The following LRIG3 variants were observed in gnomAD, a reference collection of about 807,000 sequenced individuals.
The protein encoded by LRIG3 is leucine rich repeats and immunoglobulin like domains 3.
A neutral mutation model predicts 114.5 loss-of-function variants in LRIG3; 76 were observed. The ratio of observed to expected loss-of-function variants is 0.66; its 90% CI spans 0.55 to 0.80. The LOEUF is 0.80. Ranked by LOEUF, LRIG3 falls within the 30% of genes least tolerant of loss-of-function variation. LRIG3 has a pLI of 0.00. For synonymous variants in LRIG3, 512 were observed against 519.8 expected, an observed-to-expected ratio of 0.98 and a Z score of 0.20; for missense variants, 1,239 against 1,382.8, an observed-to-expected ratio of 0.90 and a Z score of 1.65.
intron 13 of LRIG3, among the ~76,000 whole-genome samples, chr12:58,880,123 C>T (rs568255186): frequency 2.6e-4 from 39 of 152,060 alleles, no homozygotes; most frequent in Non-Finnish European, 4.6e-4. Context: ...AGTGAAACCC[C>T]GTCTCTACTA....
chr12:58,904,709 C>G (rs988307424), intron 3 of LRIG3, among the ~76,000 whole-genome samples: 1 of 152,104 alleles, frequency 6.6e-6, no homozygotes, highest in Non-Finnish European at 1.5e-5. Context: ...AGAAAAGTTA[C>G]CCATATATAT....
rs1179527563 is a variant in LRIG3 at position 58,890,056 on chromosome 12, T to C, written c.599A>G (p.Asn200Ser). ...LANTLLVLKLNRNRISAIPPK... is the reference protein window; with the variant it reads ...LANTLLVLKLSRNRISAIPPK... ...TGGGATAGCTGAGATTCGGTTCCTG[T>C]TCAGCTTTAACACAAGGAGTGTGTT... The change falls in exon 5 of 19, where the codon AAC (asparagine) becomes AGC (serine). Residue 200 changes from asparagine (N) to serine (S), a missense_variant. Coordinates refer to ENST00000320743, the MANE Select transcript of LRIG3 (RefSeq NM_153377.5). 2 of 1,613,836 alleles carry C rather than the reference T, an allele frequency of 1.2e-6. No homozygotes were observed. Among genetic ancestry groups the C allele is most frequent in the Admixed American group, 3.3e-5 (2 of 59,988 alleles).
intron 3 of LRIG3, among the ~76,000 whole-genome samples, chr12:58,897,243 G>C (rs1377032515): frequency 6.6e-6 from 1 of 152,196 alleles, no homozygotes; most frequent in Non-Finnish European, 1.5e-5. Flanking sequence ...TCTTGATGAA[G>C]AATTAAGGAC....
intron 13 of LRIG3, chr12:58,880,299 CA>C (rs11442337): frequency 0.12 from 37,393 of 321,266 alleles, no homozygotes; most frequent in South Asian, 0.14. Flanking sequence ...GATTCCGTCT[CA>C]AAAAAAAAAA....
intron 3 of LRIG3, among the ~76,000 whole-genome samples, chr12:58,912,551 AG>A (rs1035078044): frequency 1.3e-5 from 2 of 152,180 alleles, no homozygotes; most frequent in Admixed American, 1.3e-4. Flanking sequence ...CTTCCTCACA[AG>A]TTCTTAATGC....
chr12:58,887,653 G>A, intron 8 of LRIG3, 136 bp downstream of exon 8: 1 of 887,108 alleles, frequency 1.1e-6, no homozygotes, highest in Non-Finnish European at 1.7e-6. Flanking sequence ...TAATCAAACT[G>A]ATCTGGGAAA....
At chr12:58,894,728 A>C (rs1871580791) in intron 3 of LRIG3, among the ~76,000 whole-genome samples, 2 of 152,226 alleles carry the variant, frequency 1.3e-5, no homozygotes, top group East Asian at 1.9e-4. Flanking sequence ...CAAAACTCTG[A>C]ATACCTTTTT....
At position 58,887,819 on chromosome 12, in the gene LRIG3, G is replaced by A; in HGVS notation, c.1061C>T (p.Ala354Val). 1 of 1,613,718 alleles carries A rather than the reference G, an allele frequency of 6.2e-7. No individual in the cohort carries two copies. The highest frequency in any genetic ancestry group is 8.5e-7 in the Non-Finnish European group (1 of 1,179,750). ...NNRVSYIADC[A>V]FRGLSSLKTL... ...CTTTAAACTGGAAAGCCCCCGGAAGGCACAATCAGCAATGTAGCTGACTCT... is the reference window on the plus strand; with the variant it reads ...CTTTAAACTGGAAAGCCCCCGGAAGACACAATCAGCAATGTAGCTGACTCT... Residue 354 changes from alanine to valine, a missense_variant, in exon 8 of 19, where the codon GCC (alanine) becomes GTC (valine). Transcript: ENST00000320743.
Position 58,874,281 on chromosome 12 carries a change from ACTGGGCTCATAG to A in LRIG3, c.2877_2888del (p.Glu961_Tyr964del). On this transcript the variant is annotated inframe_deletion, in exon 18 of 19. Transcript: ENST00000320743. ...GGTAGCACTCCTTTTTCTTTATGTA[ACTGGGCTCATAG>A]TGGTCCATTAAAACTGTTCTTGGGT... 6.2e-7 allele frequency: 1 copy of A among 1,613,968 alleles called. No homozygotes were observed. Among genetic ancestry groups the A allele is most frequent in the East Asian group, 2.2e-5 (1 of 44,876 alleles).
chr12:58,873,865 C>T (rs1195600485), intron 18 of LRIG3, 190 bp downstream of exon 18: 8 of 654,088 alleles, frequency 1.2e-5, no homozygotes, highest in South Asian at 1.9e-5. Flanking sequence ...AGATTAAACA[C>T]ATCATCAAGT....
At chr12:58,894,199 G>T (rs11172801) in intron 3 of LRIG3, among the ~76,000 whole-genome samples, 1 of 152,126 alleles carries the variant, frequency 6.6e-6, no homozygotes, top group Admixed American at 6.5e-5. Context: ...CTCCTAAATC[G>T]CAGTGTGAAA....
At chr12:58,878,347 A>G (rs994564475) in intron 14 of LRIG3, among the ~76,000 whole-genome samples, 3 of 152,220 alleles carry the variant, frequency 2.0e-5, no homozygotes, top group Non-Finnish European at 2.9e-5. Flanking sequence ...AAGATACGTG[A>G]ATAATAATTG....
chr12:58,920,458 G>C lies in LRIG3; in HGVS notation c.-223C>G, dbSNP rs926131462. ...GAAAAGAACTGCCAACTGCAACAGA[G>C]TTGCAGCTTGAGCAGCGTCGGCTCG... On this transcript the variant is annotated 5_prime_UTR_variant, in exon 1 of 19. Coordinates refer to ENST00000320743, the MANE Select transcript of LRIG3 (RefSeq NM_153377.5). 5.1e-6 allele frequency: 2 copies of C among 394,202 alleles called. No individual in the cohort carries two copies. The highest frequency in any genetic ancestry group is 2.1e-5 in the African/African-American group (1 of 47,954). The allele number at this position is 394,202 out of a possible 1,614,324, so 24.4% of individuals were successfully genotyped here.
intron 3 of LRIG3, among the ~76,000 whole-genome samples, chr12:58,911,491 A>G (rs1233835871): frequency 6.6e-6 from 1 of 152,234 alleles, no homozygotes; most frequent in Non-Finnish European, 1.5e-5. Flanking sequence ...ACCTGTGCAA[A>G]TAACTCATAA....
chr12:58,887,591 C>T (rs921866989), intron 8 of LRIG3, among the ~76,000 whole-genome samples, 198 bp downstream of exon 8: 1 of 152,188 alleles, frequency 6.6e-6, no homozygotes, highest in East Asian at 1.9e-4. Flanking sequence ...AAACTGATCA[C>T]TGTCCTTTTT....
chr12:58,876,149 T>C (rs1418312425), intron 16 of LRIG3, among the ~76,000 whole-genome samples: 2 of 152,228 alleles, frequency 1.3e-5, no homozygotes, highest in East Asian at 1.9e-4. Context: ...GTTAATATCA[T>C]TTAAGGGCCA....
intron 3 of LRIG3, among the ~76,000 whole-genome samples, chr12:58,912,569 C>T (rs994357770): frequency 5.3e-5 from 8 of 152,296 alleles, no homozygotes; most frequent in Admixed American, 6.5e-5. Context: ...ATGCTCTCAA[C>T]GCTATACCAT....
intron 16 of LRIG3, 45 bp from the exon 17 acceptor site, chr12:58,874,618 C>T (rs759427924): frequency 6.2e-7 from 1 of 1,606,402 alleles, no homozygotes; most frequent in South Asian, 1.1e-5. Flanking sequence ...ATTCAAGTGC[C>T]ATTCAACATT....
At chr12:58,901,842 T>C (rs964126277) in intron 3 of LRIG3, among the ~76,000 whole-genome samples, 13 of 152,334 alleles carry the variant, frequency 8.5e-5, no homozygotes, top group African/African-American at 2.9e-4. Flanking sequence ...ACGGAAAGGC[T>C]GCTCACCAAG....
Sources: gnomAD v4.1 joint callset for allele counts (sites outside exome capture counted in the v4.1 genomes callset) on GRCh38, gnomAD v4.1.1 for gene constraint, MANE v1.5 for transcripts, NCBI Gene and HGNC (gene_info 2026-07-23, HGNC 2026-07-21) for gene names.